AFF2: variants seen among roughly 807,000 people sequenced by gnomAD.
AFF2 encodes the protein AF4/FMR2 family member 2.
In AFF2, 14 loss-of-function variants were observed where a neutral mutation model predicts 76.9. The observed-to-expected ratio is 0.18, with a 90% CI of 0.12 to 0.28. The LOEUF is 0.28. Among genes scored for constraint, AFF2 ranks in the 10% least tolerant of loss-of-function variants. AFF2 has a pLI of 1.00. For missense variants in AFF2, 868 were observed against 1,001.1 expected (o/e 0.87, Z 1.79); for synonymous variants, 398 against 366.7 (o/e 1.09, Z -0.98).
At chrX:148,727,841 C>A (rs2055178530) in intron 3 of AFF2, among the ~76,000 whole-genome samples, 1 of 111,777 alleles carries the variant, frequency 8.9e-6, no homozygotes, top group African/African-American at 3.3e-5. Flanking sequence ...TTCTTTATAG[C>A]CTTATAGTGT....
At chrX:148,860,789 T>C (rs966249240) in intron 7 of AFF2, among the ~76,000 whole-genome samples, 1 of 111,562 alleles carries the variant, frequency 9.0e-6, no homozygotes, top group African/African-American at 3.3e-5. Flanking sequence ...GGAAGTCACT[T>C]TTTTTCTGCA....
intron 3 of AFF2, among the ~76,000 whole-genome samples, chrX:148,789,421 T>G (rs1213043844): frequency 1.3e-4 from 14 of 111,863 alleles, no homozygotes; most frequent in African/African-American, 4.6e-4. Flanking sequence ...CTCTGAGATC[T>G]TATGAATCAC....
Position 148,522,999 on chromosome X carries a change from G to A in AFF2, c.47+21855G>A, listed in dbSNP as rs2052618169. 3.6e-5 allele frequency among the ~76,000 whole-genome samples: 4 copies of A among 112,100 alleles called. No individual in the cohort carries two copies. In the Admixed American group the frequency reaches 3.8e-4, roughly 11 times the overall value. On this transcript the variant is annotated intron_variant, in intron 1 of 20. Transcript: ENST00000370460. ...AAATTTTGTATTGTGATAGTACTGA[G>A]AATACGTCCTTGAAACAGGAATTCG...
chrX:148,631,840 AG>A (rs2053984006), intron 1 of AFF2, among the ~76,000 whole-genome samples: 1 of 112,056 alleles, frequency 8.9e-6, no homozygotes, highest in Admixed American at 9.5e-5. Context: ...GGAGATCACA[AG>A]GCATTCCACA....
At chrX:148,774,855 C>G (rs1372549023) in intron 3 of AFF2, among the ~76,000 whole-genome samples, 3 of 112,011 alleles carry the variant, frequency 2.7e-5, no homozygotes, top group Non-Finnish European at 5.6e-5. Context: ...AGATTAAAAA[C>G]AATGATTGTT....
At chrX:148,769,675 T>C (rs782334376) in intron 3 of AFF2, among the ~76,000 whole-genome samples, 86 of 110,540 alleles carry the variant, frequency 7.8e-4, no homozygotes, top group Non-Finnish European at 1.4e-3. Flanking sequence ...TTCTGAATGT[T>C]TTGGGAGAGA....
At chrX:148,576,749 C>T (rs1183849637) in intron 1 of AFF2, among the ~76,000 whole-genome samples, 4 of 110,439 alleles carry the variant, frequency 3.6e-5, no homozygotes, top group African/African-American at 1.3e-4. Context: ...TTTCCCAATT[C>T]CCCTAGTTTA....
At chrX:148,785,129 G>A (rs540082291) in intron 3 of AFF2, among the ~76,000 whole-genome samples, 3 of 112,324 alleles carry the variant, frequency 2.7e-5, no homozygotes, top group South Asian at 7.4e-4. Context: ...GTACGCATGC[G>A]CATGCACATA....
intron 3 of AFF2, among the ~76,000 whole-genome samples, chrX:148,735,089 TG>T (rs782378289): frequency 3.6e-5 from 4 of 112,375 alleles, no homozygotes; most frequent in African/African-American, 1.3e-4. Flanking sequence ...TTGACAGATA[TG>T]CACAAGTGGC....
In AFF2 at chrX:149,000,312, C is replaced by T. The variant is rs1173880670; in HGVS notation, c.*8980C>T. 1 of 112,647 alleles carries T rather than the reference C, an allele frequency of 8.9e-6. No homozygotes were observed. Among genetic ancestry groups the T allele is most frequent in the African/African-American group, 3.2e-5 (1 of 31,038 alleles). 9.3% of individuals were successfully genotyped at this position (112,647 alleles called of 1,213,427 possible). A position where few individuals can be genotyped will look rare whatever the true frequency, so the allele number is the denominator to read the frequency against. On this transcript the variant is annotated 3_prime_UTR_variant, in exon 21 of 21. Transcript: ENST00000370460. ...GTCTTGTCAGAATTTCAGTAAGTTC[C>T]AATTTCCTGTACAGACCAGGGTAAA...
intron 13 of AFF2, among the ~76,000 whole-genome samples, chrX:148,965,648 G>A (rs180779652): frequency 8.9e-6 from 1 of 111,980 alleles, no homozygotes; most frequent in East Asian, 2.8e-4. Flanking sequence ...GATTTGGTTT[G>A]CCAAAAATTT....
chrX:148,512,119 A>G (rs1160537230), intron 1 of AFF2, among the ~76,000 whole-genome samples: 2 of 111,614 alleles, frequency 1.8e-5, no homozygotes, highest in African/African-American at 6.5e-5. Context: ...CAGAAATGAA[A>G]CTTATCTGAA....
intron 8 of AFF2, among the ~76,000 whole-genome samples, chrX:148,895,252 A>C (rs1315655234): frequency 9.0e-6 from 1 of 111,280 alleles, no homozygotes; most frequent in Non-Finnish European, 1.9e-5. Flanking sequence ...TTTTGCTAGC[A>C]GGGGTATTGT....
chrX:148,671,850 C>T (rs1231788763), intron 3 of AFF2, among the ~76,000 whole-genome samples: 2 of 110,332 alleles, frequency 1.8e-5, no homozygotes, highest in African/African-American at 6.6e-5. Flanking sequence ...CACATAGCCT[C>T]CTAATCCTTT....
chrX:148,557,179 A>G (rs1202590885), intron 1 of AFF2, among the ~76,000 whole-genome samples: 1 of 111,924 alleles, frequency 8.9e-6, no homozygotes, highest in Non-Finnish European at 1.9e-5. Context: ...GGTAGTGTAT[A>G]GTTTCCTCAT....
intron 3 of AFF2, among the ~76,000 whole-genome samples, chrX:148,808,537 G>A (rs1557271517): frequency 8.9e-6 from 1 of 112,009 alleles, no homozygotes. Context: ...GTATAAATTT[G>A]TCATCCAAAC....
At chrX:148,736,850 A>G (rs782672823) in intron 3 of AFF2, among the ~76,000 whole-genome samples, 1 of 111,758 alleles carries the variant, frequency 8.9e-6, no homozygotes, top group Non-Finnish European at 1.9e-5. Context: ...TAATTATCCC[A>G]GCACCATTTG....
chrX:148,971,011 T>C (rs933979458), intron 15 of AFF2, among the ~76,000 whole-genome samples: 3 of 111,148 alleles, frequency 2.7e-5, no homozygotes, highest in Admixed American at 1.9e-4. Flanking sequence ...ACCAAAAAGA[T>C]AGCAATAACA....
intron 2 of AFF2, among the ~76,000 whole-genome samples, chrX:148,659,154 A>T (rs1373698415): frequency 8.9e-6 from 1 of 112,059 alleles, no homozygotes; most frequent in African/African-American, 3.2e-5. Flanking sequence ...GCCAGTTTAG[A>T]AATTCTTTTA....
Sources: allele counts gnomAD v4.1 joint callset (sites outside exome capture counted in the v4.1 genomes callset), GRCh38; gene constraint gnomAD v4.1.1; transcripts MANE v1.5; gene names NCBI Gene and HGNC (gene_info 2026-07-23, HGNC 2026-07-21).